Variants in PDK1 observed in about 807,000 individuals in gnomAD.
PDK1 encodes pyruvate dehydrogenase kinase 1.
A neutral mutation model predicts 54.2 loss-of-function variants in PDK1; 39 were observed. The ratio of observed to expected loss-of-function variants is 0.72; its 90% confidence interval spans 0.56 to 0.94. PDK1 has a LOEUF of 0.94. PDK1 is among the 40% of genes least tolerant of loss of function. The probability of loss-of-function intolerance (pLI) is 0.00; values close to 1 mark genes in which losing one functional copy is unlikely to be tolerated. For synonymous variants in PDK1, 221 were observed against 207.1 expected (o/e 1.07, Z -0.58); for missense variants, 552 against 566.0 (o/e 0.98, Z 0.25).
At chr2:172,684,384 T>C in the PDK1 span, among the ~76,000 whole-genome samples, 1 of 152,108 alleles carries the variant, frequency 6.6e-6, no homozygotes, top group Non-Finnish European at 1.5e-5. Context: ...ATTGTGCCAC[T>C]GCACTCCAGC....
chr2:172,668,872 T>TACACACAC, the PDK1 span, among the ~76,000 whole-genome samples: 9,159 of 111,266 alleles, frequency 0.082, 455 homozygotes, highest in South Asian at 0.2. Context: ...TGTATGTATG[T>TACACACAC]ACACACACAC....
intron 1 of PDK1, 72 bp from the exon 2 acceptor site, chr2:172,558,636 T>G (rs1007101115): frequency 7.4e-7 from 1 of 1,354,148 alleles, no homozygotes. Flanking sequence ...TCCTCTCTAT[T>G]TCTCTCAGCC....
chr2:172,682,984 A>G, the PDK1 span, among the ~76,000 whole-genome samples: 2 of 152,078 alleles, frequency 1.3e-5, no homozygotes, highest in Non-Finnish European at 2.9e-5. Flanking sequence ...AAGGCTGAGG[A>G]AGTGAGGTGA....
At chr2:172,613,643 A>C (rs1691529538), downstream of PDK1, among the ~76,000 whole-genome samples, 3 of 152,140 alleles carry the variant, frequency 2.0e-5, no homozygotes, top group South Asian at 6.2e-4. Context: ...ATTCCCTATC[A>C]GATAGTCTCC....
At chr2:172,711,895 A>G in the PDK1 span, among the ~76,000 whole-genome samples, 1 of 141,896 alleles carries the variant, frequency 7.0e-6, no homozygotes, top group Non-Finnish European at 1.5e-5. Flanking sequence ...AAAAAAAAAG[A>G]GTTCCCTTTG....
At chr2:172,580,358 G>T (rs574453694) in intron 8 of PDK1, among the ~76,000 whole-genome samples, 1 of 151,916 alleles carries the variant, frequency 6.6e-6, no homozygotes, top group East Asian at 1.9e-4. Flanking sequence ...TCTGGTTTGG[G>T]GCTTAAGTTG....
the PDK1 span, among the ~76,000 whole-genome samples, chr2:172,693,548 T>C: frequency 2.0e-5 from 3 of 152,234 alleles, no homozygotes; most frequent in African/African-American, 7.2e-5. Flanking sequence ...TGATGCTATA[T>C]GAGTGTTTGA....
the PDK1 span, among the ~76,000 whole-genome samples, chr2:172,662,755 C>CT: frequency 2.0e-5 from 3 of 151,998 alleles, no homozygotes; most frequent in South Asian, 2.1e-4. Context: ...ATAATACATC[C>CT]TTTTTTTTCC....
Position 172,598,923 on chromosome 2 carries a change from T to C in PDK1, c.*2954T>C, listed in dbSNP as rs1691015670. 1 of 152,172 alleles carries C rather than the reference T, an allele frequency of 6.6e-6. No homozygotes were observed. Among genetic ancestry groups the C allele is most frequent in the Admixed American group, 6.5e-5 (1 of 15,276 alleles). The allele number at this position is 152,172 out of a possible 1,614,324, so 9.4% of individuals were successfully genotyped here. On this transcript the variant is annotated 3_prime_UTR_variant, in exon 11 of 11. Coordinates refer to ENST00000282077, the MANE Select transcript of PDK1 (RefSeq NM_002610.5). ...AAATTGGTAATTAGGGGGCTTGCACTAAATTTCACTATCTTCAGTAGAGAG... is the reference window on the plus strand; with the variant it reads ...AAATTGGTAATTAGGGGGCTTGCACCAAATTTCACTATCTTCAGTAGAGAG...
chr2:172,589,459 G>A (rs566899896), intron 9 of PDK1, among the ~76,000 whole-genome samples: 16 of 152,144 alleles, frequency 1.1e-4, no homozygotes, highest in Non-Finnish European at 1.9e-4. Flanking sequence ...CCAGGGGCCC[G>A]GCCTGCCCAA....
chr2:172,657,123 G>T, the PDK1 span, among the ~76,000 whole-genome samples: 1 of 152,084 alleles, frequency 6.6e-6, no homozygotes, highest in African/African-American at 2.4e-5. Flanking sequence ...CTGGGAGGTG[G>T]TTTGCCCTGT....
chr2:172,653,241 A>G, the PDK1 span, among the ~76,000 whole-genome samples: 1 of 152,184 alleles, frequency 6.6e-6, no homozygotes, highest in African/African-American at 2.4e-5. Flanking sequence ...TATTTAATAA[A>G]TGGTGCTGTG....
At chr2:172,687,363 G>A in the PDK1 span, among the ~76,000 whole-genome samples, 1 of 151,298 alleles carries the variant, frequency 6.6e-6, no homozygotes, top group Non-Finnish European at 1.5e-5. Flanking sequence ...ACATATTCTG[G>A]ATTATACTCC....
chr2:172,653,010 C>G, the PDK1 span, among the ~76,000 whole-genome samples: 28 of 152,122 alleles, frequency 1.8e-4, no homozygotes, highest in African/African-American at 5.8e-4. Flanking sequence ...CCCACATTGC[C>G]AAGACAATCC....
the PDK1 span, among the ~76,000 whole-genome samples, chr2:172,617,838 T>C: frequency 1.4e-4 from 21 of 152,304 alleles, no homozygotes; most frequent in African/African-American, 4.8e-4. Flanking sequence ...ATTCCTAACA[T>C]TTTCTATGTA....
the PDK1 span, among the ~76,000 whole-genome samples, chr2:172,619,383 C>G: frequency 6.6e-6 from 1 of 152,108 alleles, no homozygotes; most frequent in Non-Finnish European, 1.5e-5. Flanking sequence ...GCTCAGTGGA[C>G]CAGGGGTGGA....
At chr2:172,568,501 G>T (rs1216577942) in intron 6 of PDK1, among the ~76,000 whole-genome samples, 7 of 152,116 alleles carry the variant, frequency 4.6e-5, no homozygotes, top group Non-Finnish European at 1.0e-4. Context: ...CGCATGGGTT[G>T]GTTCGATTGT....
At chr2:172,631,798 T>C in the PDK1 span, among the ~76,000 whole-genome samples, 1 of 152,212 alleles carries the variant, frequency 6.6e-6, no homozygotes, top group Non-Finnish European at 1.5e-5. Context: ...CAACTGTCTC[T>C]TGGCCTGTAG....
downstream of PDK1, among the ~76,000 whole-genome samples, chr2:172,612,243 T>C (rs575418935): frequency 5.3e-5 from 8 of 152,346 alleles, no homozygotes; most frequent in East Asian, 1.2e-3. Context: ...AAGATAGCAA[T>C]TCCCAGATCC....
Sources: gnomAD v4.1 joint callset for allele counts (sites outside exome capture counted in the v4.1 genomes callset) on GRCh38, gnomAD v4.1.1 for gene constraint, MANE v1.5 for transcripts, NCBI Gene and HGNC (gene_info 2026-07-23, HGNC 2026-07-21) for gene names.